The following FRMD3 variants were observed in gnomAD, a reference collection of about 807,000 sequenced individuals.
FRMD3 encodes the protein FERM domain-containing protein 3.
FRMD3 carries 33 observed loss-of-function variants against 70.2 expected under a neutral mutation model. The observed-to-expected ratio is 0.47, with a 90% CI of 0.36 to 0.63. FRMD3 has a LOEUF of 0.63. FRMD3 is among the 20% of genes least tolerant of loss of function. The pLI is 0.00. For missense variants in FRMD3, 632 were observed against 711.4 expected, an observed-to-expected ratio of 0.89 and a Z score of 1.27; for synonymous variants, 279 against 255.9, an observed-to-expected ratio of 1.09 and a Z score of -0.86.
chr9:83,522,353 G>A (rs1393218466), intron 1 of FRMD3, among the ~76,000 whole-genome samples: 2 of 151,932 alleles, frequency 1.3e-5, no homozygotes, highest in African/African-American at 2.4e-5. Context: ...TCCTCTGCTC[G>A]CGGAGGCCAG....
the FRMD3 span, among the ~76,000 whole-genome samples, chr9:83,574,978 C>T: frequency 6.6e-6 from 1 of 152,170 alleles, no homozygotes; most frequent in Admixed American, 6.5e-5. Context: ...TTCCTTGTTG[C>T]ATCCTTGATC....
intron 6 of FRMD3, among the ~76,000 whole-genome samples, chr9:83,325,826 GT>G (rs1258385769): frequency 1.3e-5 from 2 of 152,128 alleles, no homozygotes; most frequent in African/African-American, 4.8e-5. Flanking sequence ...CTAAGAATGG[GT>G]TTTACATTCT....
chr9:83,372,781 G>A (rs1301541658), intron 3 of FRMD3, 132 bp downstream of exon 3: 2 of 782,722 alleles, frequency 2.6e-6, no homozygotes, highest in Non-Finnish European at 2.2e-6. Flanking sequence ...CTCTCCTGGG[G>A]AGAGAGAAGC....
the FRMD3 span, among the ~76,000 whole-genome samples, chr9:83,582,162 C>A: frequency 2.6e-5 from 4 of 152,026 alleles, no homozygotes; most frequent in African/African-American, 9.7e-5. Context: ...GACTGGAACT[C>A]CTGGGCTCAA....
intron 1 of FRMD3, among the ~76,000 whole-genome samples, chr9:83,481,570 C>G (rs1485803571): frequency 6.6e-6 from 1 of 152,172 alleles, no homozygotes. Context: ...GAGGGTACTA[C>G]TCACATTCGA....
chr9:83,538,672 G>T (rs758114109), upstream of FRMD3: 2 of 154,476 alleles, frequency 1.3e-5, no homozygotes, highest in Non-Finnish European at 2.9e-5. This position sits in a 1 kb window ranked among gnomAD's most constrained non-coding sequence, Gnocchi z 4.7. Flanking sequence ...AGCTGGGCCC[G>T]ACTGCCTTCC....
the FRMD3 span, among the ~76,000 whole-genome samples, chr9:83,572,314 T>C: frequency 2.6e-5 from 4 of 152,144 alleles, no homozygotes; most frequent in Admixed American, 1.3e-4. Flanking sequence ...GGAAAATCCT[T>C]GAGCTGGTGA....
At chr9:83,315,841 A>G (rs1230742874) in intron 6 of FRMD3, among the ~76,000 whole-genome samples, 2 of 152,218 alleles carry the variant, frequency 1.3e-5, no homozygotes, top group Non-Finnish European at 2.9e-5. Flanking sequence ...GCTGCTGCCC[A>G]TGACTCAGCA....
At chr9:83,493,869 C>A in intron 1 of FRMD3, among the ~76,000 whole-genome samples, 1 of 152,246 alleles carries the variant, frequency 6.6e-6, no homozygotes. Context: ...TCCCCATCCC[C>A]TCCTGGCCAG....
chr9:83,584,868 A>G, the FRMD3 span, among the ~76,000 whole-genome samples: 5 of 152,344 alleles, frequency 3.3e-5, no homozygotes, highest in South Asian at 6.2e-4. Context: ...GGTGTCACGC[A>G]GTGTTAGCTC....
intron 3 of FRMD3, among the ~76,000 whole-genome samples, chr9:83,365,904 A>C (rs1016429845): frequency 4.6e-5 from 7 of 152,182 alleles, no homozygotes; most frequent in Admixed American, 4.6e-4. Flanking sequence ...AGTGGAGGCC[A>C]CAAGAGGACA....
chr9:83,268,432 A>T (rs992617973), intron 13 of FRMD3, among the ~76,000 whole-genome samples: 5 of 152,236 alleles, frequency 3.3e-5, no homozygotes, highest in African/African-American at 4.8e-5. Flanking sequence ...GCTGACAAAA[A>T]TCTTAAGACA....
chr9:83,273,075 A>C (rs369320658), intron 13 of FRMD3, among the ~76,000 whole-genome samples: 1 of 140,910 alleles, frequency 7.1e-6, no homozygotes, highest in African/African-American at 2.7e-5. Context: ...CTGCCCGGCC[A>C]CCCCTTCTGG....
At chr9:83,534,042 T>C (rs1018296707) in intron 1 of FRMD3, among the ~76,000 whole-genome samples, 1 of 152,222 alleles carries the variant, frequency 6.6e-6, no homozygotes, top group African/African-American at 2.4e-5. Context: ...CTAATTGAAG[T>C]AGCAAGGCTG....
intron 1 of FRMD3, among the ~76,000 whole-genome samples, chr9:83,532,631 G>GCA (rs138470951): frequency 6.6e-4 from 100 of 150,494 alleles, no homozygotes; most frequent in Middle Eastern, 3.4e-3. Flanking sequence ...ACATGTGCAT[G>GCA]CACACACACA....
chr9:83,527,338 C>T (rs1030098888), intron 1 of FRMD3, among the ~76,000 whole-genome samples: 7 of 152,168 alleles, frequency 4.6e-5, no homozygotes, highest in African/African-American at 1.7e-4. Context: ...AGAATCATTC[C>T]ATACCCAGCA....
intron 1 of FRMD3, among the ~76,000 whole-genome samples, chr9:83,488,920 C>T (rs1828746997): frequency 6.6e-6 from 1 of 150,742 alleles, no homozygotes; most frequent in Admixed American, 6.6e-5. Flanking sequence ...ATTGTCAAGT[C>T]ATCAGAATGT....
At chr9:83,354,700 G>T (rs929497338) in intron 3 of FRMD3, among the ~76,000 whole-genome samples, 1 of 151,936 alleles carries the variant, frequency 6.6e-6, no homozygotes, top group Non-Finnish European at 1.5e-5. Flanking sequence ...ATTCAGTAGG[G>T]GTAAACAGGT....
chr9:83,553,686 G>A, the FRMD3 span, among the ~76,000 whole-genome samples: 1 of 152,094 alleles, frequency 6.6e-6, no homozygotes, highest in African/African-American at 2.4e-5. Context: ...TGAAATTTTT[G>A]TGTTATTCAG....
Sources: gnomAD v4.1 joint callset for allele counts (sites outside exome capture counted in the v4.1 genomes callset) on GRCh38, gnomAD v4.1.1 for gene constraint, Gnocchi (gnomAD v3.1) non-coding constraint, MANE v1.5 for transcripts, NCBI Gene and HGNC (gene_info 2026-07-23, HGNC 2026-07-21) for gene names.